Variants in NEK7 observed in about 807,000 individuals in gnomAD.
The protein encoded by NEK7 is serine/threonine-protein kinase Nek7.
In NEK7, 18 loss-of-function variants were observed where a neutral mutation model predicts 44.6. That is an observed-to-expected ratio of 0.40 (90% CI 0.28 to 0.60). The LOEUF is 0.60. Among genes scored for constraint, NEK7 ranks in the 20% least tolerant of loss-of-function variants. The probability of loss-of-function intolerance (pLI) is 0.38; values close to 1 mark genes in which losing one functional copy is unlikely to be tolerated. For missense variants in NEK7, 256 were observed against 366.5 expected (o/e 0.70, Z 2.46); for synonymous variants, 130 against 121.1 (o/e 1.07, Z -0.48).
At chr1:198,278,137 T>TTCAAG in intron 6 of NEK7, 68 bp downstream of exon 6, 1 of 832,728 alleles carries the variant, frequency 1.2e-6, no homozygotes, top group South Asian at 1.4e-5. Flanking sequence ...AGTAAATGTC[T>TTCAAG]TCAAGTCAGT....
chr1:198,184,214 G>A (rs1351743651), intron 1 of NEK7, among the ~76,000 whole-genome samples: 1 of 152,080 alleles, frequency 6.6e-6, no homozygotes, highest in East Asian at 1.9e-4. Context: ...TATTCACTGG[G>A]CAATTTTCAC....
chr1:198,280,955 G>GA (rs1349042660), intron 7 of NEK7, among the ~76,000 whole-genome samples: 2 of 151,304 alleles, frequency 1.3e-5, no homozygotes, highest in African/African-American at 4.8e-5. Context: ...ATTATTTTGA[G>GA]AAAAAATATA....
chr1:198,220,686 G>A (rs1666057223), intron 1 of NEK7: 1 of 151,976 alleles, frequency 6.6e-6, no homozygotes, highest in Non-Finnish European at 1.5e-5. Context: ...GTGACTTGGG[G>A]CCAAGAAAAA....
chr1:198,320,276 C>T lies in NEK7; in HGVS notation c.*754C>T, dbSNP rs573656619. The T allele has an allele frequency of 3.3e-5, 5 of 152,214 alleles. No homozygotes were observed. The South Asian group carries it at 1.0e-3, about 32-fold the overall frequency. The allele number at this position is 152,214 out of a possible 1,614,324, so 9.4% of individuals were successfully genotyped here. A position where few individuals can be genotyped will look rare whatever the true frequency, so the allele number is the denominator to read the frequency against. On this transcript the variant is annotated 3_prime_UTR_variant, in exon 10 of 10. Transcript: ENST00000367385. The stretch of plus-strand genomic sequence containing the variant: ...TGTGATAATAATTTTTAAAGTTGCA[C>T]ATTGCCCAAGGCTTTTTTTGTGTGT...
chr1:198,278,238 A>G (rs1031765820), intron 6 of NEK7, among the ~76,000 whole-genome samples, 169 bp downstream of exon 6: 1 of 147,002 alleles, frequency 6.8e-6, no homozygotes, highest in East Asian at 2.5e-4. Context: ...TAGGTTTTAA[A>G]TAAGAATGTA....
intron 9 of NEK7, among the ~76,000 whole-genome samples, chr1:198,309,602 C>T (rs542562068): frequency 1.3e-5 from 2 of 151,134 alleles, no homozygotes; most frequent in African/African-American, 4.9e-5. Context: ...CCTCCCCCCA[C>T]CCCACAACAG....
At chr1:198,238,194 C>A (rs957072788) in intron 2 of NEK7, among the ~76,000 whole-genome samples, 2 of 152,152 alleles carry the variant, frequency 1.3e-5, no homozygotes, top group East Asian at 3.9e-4. Flanking sequence ...GAACACACTT[C>A]TCCCCCCCAG....
chr1:198,239,768 G>A (rs1489436124), intron 2 of NEK7, among the ~76,000 whole-genome samples: 4 of 151,860 alleles, frequency 2.6e-5, no homozygotes, highest in Admixed American at 6.6e-5. Flanking sequence ...GTACAGTCCC[G>A]AGTCACCTAA....
intron 1 of NEK7, among the ~76,000 whole-genome samples, chr1:198,205,036 C>T (rs1015501960): frequency 1.3e-5 from 2 of 152,078 alleles, no homozygotes; most frequent in Non-Finnish European, 2.9e-5. Flanking sequence ...TGCTGCTCCC[C>T]GTCCCCCCTT....
intron 5 of NEK7, among the ~76,000 whole-genome samples, chr1:198,277,397 G>T (rs555727326): frequency 6.6e-6 from 1 of 151,776 alleles, no homozygotes; most frequent in Non-Finnish European, 1.5e-5. Context: ...TTCTTCCATG[G>T]AGTTTAGTTT....
At chr1:198,167,432 T>C (rs1328795323) in intron 1 of NEK7, among the ~76,000 whole-genome samples, 1 of 152,166 alleles carries the variant, frequency 6.6e-6, no homozygotes, top group Non-Finnish European at 1.5e-5. Context: ...GCATCTTATA[T>C]GATATGCACT....
At chr1:198,256,249 A>G (rs953303214) in intron 3 of NEK7, 2 of 1,419,900 alleles carry the variant, frequency 1.4e-6, no homozygotes, top group Non-Finnish European at 1.8e-6. Flanking sequence ...GCCCTTCCCT[A>G]CTTTGTGCCA....
chr1:198,252,453 G>A (rs1653047858), intron 2 of NEK7, among the ~76,000 whole-genome samples: 1 of 144,982 alleles, frequency 6.9e-6, no homozygotes, highest in African/African-American at 2.5e-5. Context: ...TTATCTAAAA[G>A]TTCAGACTCT....
intron 1 of NEK7, among the ~76,000 whole-genome samples, chr1:198,199,462 C>T (rs114317958): frequency 0.029 from 4,463 of 152,188 alleles, 116 homozygotes; most frequent in African/African-American, 0.063. Context: ...TTCAGATTTT[C>T]TTTGTTTTCT....
At chr1:198,306,150 T>A (rs976888780) in intron 9 of NEK7, among the ~76,000 whole-genome samples, 1 of 152,114 alleles carries the variant, frequency 6.6e-6, no homozygotes, top group African/African-American at 2.4e-5. Flanking sequence ...ATAAATTAAA[T>A]CATGTAAAAT....
At chr1:198,198,044 G>T in intron 1 of NEK7, 1 of 1,506,726 alleles carries the variant, frequency 6.6e-7, no homozygotes, top group Middle Eastern at 2.5e-4. Context: ...GGGAAAGCTG[G>T]ATTGCCCTGG....
chr1:198,177,904 C>G (rs892627766), intron 1 of NEK7, among the ~76,000 whole-genome samples: 4 of 151,620 alleles, frequency 2.6e-5, no homozygotes, highest in African/African-American at 9.7e-5. Context: ...CAAAATCAAG[C>G]AAGCAAACAT....
chr1:198,183,844 G>A (rs1314126641), intron 1 of NEK7, among the ~76,000 whole-genome samples: 4 of 152,146 alleles, frequency 2.6e-5, no homozygotes, highest in African/African-American at 9.7e-5. Context: ...CGTTTTTAAT[G>A]GTCTAATGTC....
chr1:198,257,147 G>GT (rs1031501576), intron 3 of NEK7, among the ~76,000 whole-genome samples: 13 of 151,788 alleles, frequency 8.6e-5, no homozygotes, highest in Middle Eastern at 6.8e-3. Flanking sequence ...TTGTCAGTGA[G>GT]TTTTTTTTAG....
Sources: allele counts gnomAD v4.1 joint callset (sites outside exome capture counted in the v4.1 genomes callset), GRCh38; gene constraint gnomAD v4.1.1; transcripts MANE v1.5; gene names NCBI Gene and HGNC (gene_info 2026-07-23, HGNC 2026-07-21).